The following FAM107B variants were observed in gnomAD, a reference collection of about 807,000 sequenced individuals.
FAM107B encodes the protein protein FAM107B.
In FAM107B, 21 loss-of-function variants were observed where a neutral mutation model predicts 31.5. That is an observed-to-expected ratio of 0.67 (90% CI 0.47 to 0.96). The LOEUF is 0.96. Among genes scored for constraint, FAM107B ranks in the 40% least tolerant of loss-of-function variants. The pLI is 0.00. For missense variants in FAM107B, 452 were observed against 377.1 expected, an observed-to-expected ratio of 1.20 and a Z score of -1.64; for synonymous variants, 157 against 141.5, an observed-to-expected ratio of 1.11 and a Z score of -0.78.
At chr10:14,551,184 T>C (rs1032638920) in intron 2 of FAM107B, among the ~76,000 whole-genome samples, 3 of 151,406 alleles carry the variant, frequency 2.0e-5, no homozygotes, top group Non-Finnish European at 4.4e-5. Context: ...TATAATTTTG[T>C]TTTGTTTTGT....
intron 1 of FAM107B, among the ~76,000 whole-genome samples, chr10:14,695,366 G>T (rs11259278): frequency 0.19 from 28,395 of 152,066 alleles, 2,764 homozygotes; most frequent in African/African-American, 0.24. Context: ...GTGTGTCTAT[G>T]TTTATGCCAT....
At chr10:14,599,496 G>T (rs1043206206) in intron 2 of FAM107B, among the ~76,000 whole-genome samples, 17 of 152,116 alleles carry the variant, frequency 1.1e-4, no homozygotes, top group Admixed American at 1.1e-3. Flanking sequence ...GACTATTCAC[G>T]TGTGCTTAAC....
At chr10:14,648,377 T>C (rs927091601) in intron 2 of FAM107B, among the ~76,000 whole-genome samples, 3 of 152,224 alleles carry the variant, frequency 2.0e-5, no homozygotes, top group African/African-American at 7.2e-5. Flanking sequence ...TACTGAGTGC[T>C]AAGAGGCTTT....
intron 1 of FAM107B, among the ~76,000 whole-genome samples, chr10:14,689,379 C>CA (rs200283842): frequency 0.29 from 36,900 of 128,536 alleles, 6,793 homozygotes; most frequent in African/African-American, 0.54. Flanking sequence ...GACCCTATCT[C>CA]AAAAAAAAAA....
At chr10:14,662,419 C>T (rs558432059) in intron 2 of FAM107B, among the ~76,000 whole-genome samples, 2 of 151,668 alleles carry the variant, frequency 1.3e-5, no homozygotes, top group African/African-American at 4.8e-5. Context: ...CTCTCTCACC[C>T]AGGCTGGAGT....
At chr10:14,543,634 A>C (rs187560893) in intron 2 of FAM107B, among the ~76,000 whole-genome samples, 1 of 152,112 alleles carries the variant, frequency 6.6e-6, no homozygotes, top group East Asian at 1.9e-4. Context: ...TTCCAGAAAA[A>C]AGAAACAAAA....
intron 2 of FAM107B, among the ~76,000 whole-genome samples, chr10:14,636,255 T>C (rs978840966): frequency 4.3e-5 from 6 of 140,776 alleles, no homozygotes; most frequent in African/African-American, 1.7e-4. Context: ...ATAGTGTGAC[T>C]CTTATAAAAA....
At chr10:14,646,452 C>T (rs550011455) in intron 2 of FAM107B, among the ~76,000 whole-genome samples, 1 of 152,298 alleles carries the variant, frequency 6.6e-6, no homozygotes, top group African/African-American at 2.4e-5. Context: ...TCCTGAGTTA[C>T]TTCACTTAGG....
chr10:14,622,798 T>C (rs1298203912), intron 2 of FAM107B, among the ~76,000 whole-genome samples: 1 of 152,258 alleles, frequency 6.6e-6, no homozygotes, highest in Non-Finnish European at 1.5e-5. Flanking sequence ...TGAGCATTTG[T>C]GTCCCAGTTT....
intron 1 of FAM107B, among the ~76,000 whole-genome samples, chr10:14,717,480 G>C (rs1855806252): frequency 2.6e-5 from 4 of 152,178 alleles, no homozygotes; most frequent in Admixed American, 2.6e-4. Context: ...CTAAGTCTGA[G>C]AGCCCCTGGG....
intron 2 of FAM107B, among the ~76,000 whole-genome samples, chr10:14,600,415 G>A (rs1301243056): frequency 6.6e-6 from 1 of 152,152 alleles, no homozygotes; most frequent in Non-Finnish European, 1.5e-5. Flanking sequence ...CCTACCAGCA[G>A]GCTCTGAACT....
At chr10:14,644,646 C>T (rs1448041508) in intron 2 of FAM107B, among the ~76,000 whole-genome samples, 1 of 152,198 alleles carries the variant, frequency 6.6e-6, no homozygotes, top group Non-Finnish European at 1.5e-5. Flanking sequence ...TTTCTTTACC[C>T]ATAAAGTGAA....
intron 1 of FAM107B, among the ~76,000 whole-genome samples, chr10:14,675,801 T>C (rs1854668283): frequency 6.6e-6 from 1 of 152,102 alleles, no homozygotes; most frequent in African/African-American, 2.4e-5. Flanking sequence ...TTGATGTAGA[T>C]TCAAAATTAC....
At chr10:14,774,221 C>A in intron 1 of FAM107B, 32 bp downstream of exon 1, 1 of 1,570,496 alleles carries the variant, frequency 6.4e-7, no homozygotes. Context: ...AGCTCCATCC[C>A]GTCTATAATC....
intron 1 of FAM107B, among the ~76,000 whole-genome samples, chr10:14,703,826 G>T (rs1283954375): frequency 6.6e-6 from 1 of 152,122 alleles, no homozygotes; most frequent in Non-Finnish European, 1.5e-5. Flanking sequence ...ATTTTTTTAA[G>T]GTTGCCATTT....
At chr10:14,753,158 A>AGTTGTG (rs1322729241) in intron 1 of FAM107B, among the ~76,000 whole-genome samples, 15 of 152,254 alleles carry the variant, frequency 9.9e-5, no homozygotes, top group African/African-American at 3.4e-4. Context: ...GTAGACACAC[A>AGTTGTG]CAGACACAAA....
chr10:14,540,653 C>G (rs1352083051), intron 2 of FAM107B, among the ~76,000 whole-genome samples: 1 of 152,238 alleles, frequency 6.6e-6, no homozygotes. Context: ...TCGATCATGC[C>G]TCTGGAAACC....
At chr10:14,567,107 C>T (rs1221455400) in intron 2 of FAM107B, among the ~76,000 whole-genome samples, 7 of 152,090 alleles carry the variant, frequency 4.6e-5, no homozygotes, top group African/African-American at 1.7e-4. Flanking sequence ...GAGCCAAGAT[C>T]GTGCCACTGC....
chr10:14,599,971 C>T (rs988010488), intron 2 of FAM107B, among the ~76,000 whole-genome samples: 2 of 152,050 alleles, frequency 1.3e-5, no homozygotes, highest in African/African-American at 2.4e-5. Flanking sequence ...AACAAAAAGT[C>T]AGTCCCAAAG....
Sources: gnomAD v4.1 joint callset for allele counts (sites outside exome capture counted in the v4.1 genomes callset) on GRCh38, gnomAD v4.1.1 for gene constraint, MANE v1.5 for transcripts, NCBI Gene and HGNC (gene_info 2026-07-23, HGNC 2026-07-21) for gene names.